TCF12: variants seen among roughly 807,000 people sequenced by gnomAD.
TCF12 encodes the protein DNA-binding protein HTF4.
In TCF12, 45 loss-of-function variants were observed where a neutral mutation model predicts 86.0. That is an observed-to-expected ratio of 0.52 (90% CI 0.41 to 0.67). TCF12 has a LOEUF of 0.67. TCF12 is among the 30% of genes least tolerant of loss of function. The pLI is 0.00. For missense variants in TCF12, 881 were observed against 859.9 expected, an observed-to-expected ratio of 1.02 and a Z score of -0.31; for synonymous variants, 330 against 299.6, an observed-to-expected ratio of 1.10 and a Z score of -1.05.
chr15:56,918,134 G>A (rs565972418), upstream of TCF12: 4 of 450,732 alleles, frequency 8.9e-6, no homozygotes, highest in East Asian at 1.4e-4. Context: ...CACGCGCGGT[G>A]TCTGCGCCGA....
At chr15:57,122,800 T>C (rs1162084728) in intron 5 of TCF12, among the ~76,000 whole-genome samples, 1 of 152,218 alleles carries the variant, frequency 6.6e-6, no homozygotes, top group African/African-American at 2.4e-5. Flanking sequence ...TCTTACAAAC[T>C]GGTCATAAAC....
intron 5 of TCF12, among the ~76,000 whole-genome samples, chr15:57,154,355 A>G (rs935084071): frequency 4.6e-5 from 7 of 152,206 alleles, no homozygotes; most frequent in African/African-American, 1.7e-4. Flanking sequence ...GCTTCAAACA[A>G]CAACCAAGCT....
intron 5 of TCF12, chr15:57,118,225 A>G (rs1164595778): frequency 1.3e-5 from 2 of 152,246 alleles, no homozygotes; most frequent in Non-Finnish European, 2.9e-5. Flanking sequence ...GCAAACGTCA[A>G]TAACAACCTT....
chr15:57,112,823 A>T (rs1239720806), intron 5 of TCF12, among the ~76,000 whole-genome samples: 1 of 152,224 alleles, frequency 6.6e-6, no homozygotes, highest in Non-Finnish European at 1.5e-5. Context: ...TAAGCTTATG[A>T]TGAGTATAAA....
chr15:57,284,733 C>G (rs1261709731), intron 20 of TCF12, among the ~76,000 whole-genome samples: 2 of 152,200 alleles, frequency 1.3e-5, no homozygotes, highest in Non-Finnish European at 2.9e-5. Context: ...CTAGTTAGTT[C>G]TACCCATTTC....
chr15:57,134,962 G>T (rs2052414342), intron 5 of TCF12, among the ~76,000 whole-genome samples: 1 of 150,758 alleles, frequency 6.6e-6, no homozygotes. Context: ...TTTTTGTCAT[G>T]GATATTAACT....
chr15:56,943,935 T>C (rs2585074), intron 3 of TCF12, among the ~76,000 whole-genome samples: 1,672 of 152,258 alleles, frequency 0.011, 37 homozygotes, highest in African/African-American at 0.038. Flanking sequence ...CTAGGAATCG[T>C]AATTTTTAAC....
chr15:57,092,900 C>G (rs578011193), intron 5 of TCF12, among the ~76,000 whole-genome samples: 4 of 152,230 alleles, frequency 2.6e-5, no homozygotes, highest in Admixed American at 2.6e-4. Flanking sequence ...TACCCAAATC[C>G]CAAATCCTGG....
chr15:57,091,946 A>AT (rs1567405193), intron 5 of TCF12, 55 bp downstream of exon 5: 4 of 1,459,084 alleles, frequency 2.7e-6, no homozygotes, highest in African/African-American at 2.8e-5. Context: ...GGTCAGAGAC[A>AT]TTTTTTATCC....
At chr15:57,158,228 G>C (rs1443280086) in intron 5 of TCF12, among the ~76,000 whole-genome samples, 1 of 128,498 alleles carries the variant, frequency 7.8e-6, no homozygotes, top group Non-Finnish European at 1.6e-5. Flanking sequence ...TCACTCTGTT[G>C]CTTAGGCTGG....
chr15:57,206,929 GA>G (rs35816408), intron 8 of TCF12, among the ~76,000 whole-genome samples: 14 of 125,920 alleles, frequency 1.1e-4, no homozygotes, highest in Admixed American at 1.7e-4. Flanking sequence ...TGTCTCTACA[GA>G]AAAAAAAAAA....
chr15:56,993,621 G>A (rs1447161895), intron 3 of TCF12, among the ~76,000 whole-genome samples: 1 of 152,194 alleles, frequency 6.6e-6, no homozygotes, highest in Non-Finnish European at 1.5e-5. Flanking sequence ...AATAAAGGCT[G>A]TCACCCAGGC....
At chr15:56,982,491 A>G (rs1280804067) in intron 3 of TCF12, among the ~76,000 whole-genome samples, 2 of 152,192 alleles carry the variant, frequency 1.3e-5, no homozygotes, top group Non-Finnish European at 2.9e-5. Context: ...CAGTGACCTG[A>G]TAACTGTCTG....
intron 3 of TCF12, among the ~76,000 whole-genome samples, chr15:56,936,477 AG>A (rs1317806879): frequency 6.6e-6 from 1 of 152,132 alleles, no homozygotes; most frequent in African/African-American, 2.4e-5. Context: ...GAAGCTCTTC[AG>A]TTTAATTAAG....
intron 19 of TCF12, among the ~76,000 whole-genome samples, chr15:57,275,107 T>C (rs545031867): frequency 6.6e-6 from 1 of 152,276 alleles, no homozygotes; most frequent in South Asian, 2.1e-4. Context: ...GACTTTCTGG[T>C]CTGTTATGGG....
chr15:57,165,134 C>CTGTG (rs10651646), intron 5 of TCF12, among the ~76,000 whole-genome samples: 65,210 of 147,120 alleles, frequency 0.44, 16,936 homozygotes, highest in Non-Finnish European at 0.6. Context: ...GAATGTATGT[C>CTGTG]TGTGTGTGTG....
At chr15:57,177,951 C>G (rs1421980861) in intron 6 of TCF12, among the ~76,000 whole-genome samples, 3 of 152,038 alleles carry the variant, frequency 2.0e-5, no homozygotes, top group African/African-American at 7.2e-5. Flanking sequence ...TCTTTCTGTT[C>G]TCTCCATGAA....
At chr15:57,069,696 A>G in intron 4 of TCF12, among the ~76,000 whole-genome samples, 1 of 152,210 alleles carries the variant, frequency 6.6e-6, no homozygotes, top group African/African-American at 2.4e-5. Context: ...GAACTCAGAT[A>G]TTCTGAATCT....
intron 3 of TCF12, among the ~76,000 whole-genome samples, chr15:57,010,972 C>T (rs1364202645): frequency 2.0e-5 from 3 of 152,052 alleles, no homozygotes; most frequent in Non-Finnish European, 4.4e-5. Context: ...TTGGAAAATT[C>T]CCAGGTCCTT....
Sources: allele counts gnomAD v4.1 joint callset (sites outside exome capture counted in the v4.1 genomes callset), GRCh38; gene constraint gnomAD v4.1.1; transcripts MANE v1.5; gene names NCBI Gene and HGNC (gene_info 2026-07-23, HGNC 2026-07-21).